The following ARB2A variants were observed in gnomAD, a reference collection of about 807,000 sequenced individuals.
ARB2A encodes the protein ARB2 cotranscriptional regulator A.
the ARB2A span, among the ~76,000 whole-genome samples, chr5:93,894,098 C>A: frequency 6.6e-6 from 1 of 152,090 alleles, no homozygotes; most frequent in Non-Finnish European, 1.5e-5. Context: ...ACTCAATTAG[C>A]TAAATTATTT....
At chr5:93,870,023 G>A in the ARB2A span, among the ~76,000 whole-genome samples, 6 of 152,188 alleles carry the variant, frequency 3.9e-5, no homozygotes, top group Non-Finnish European at 8.8e-5. Flanking sequence ...CAGACATCTG[G>A]GCTCTTTCAG....
the ARB2A span, among the ~76,000 whole-genome samples, chr5:93,879,201 A>C: frequency 2.0e-5 from 3 of 151,964 alleles, no homozygotes; most frequent in Non-Finnish European, 2.9e-5. Flanking sequence ...AGGAATTAAT[A>C]CACCTCACAC....
chr5:93,976,028 A>C, the ARB2A span, among the ~76,000 whole-genome samples: 1 of 152,188 alleles, frequency 6.6e-6, no homozygotes, highest in African/African-American at 2.4e-5. Context: ...AGCACATCAA[A>C]AAGTTAATTC....
the ARB2A span, among the ~76,000 whole-genome samples, chr5:93,847,201 C>A: frequency 1.3e-5 from 2 of 152,180 alleles, no homozygotes; most frequent in Non-Finnish European, 2.9e-5. Context: ...CATCTTGAGG[C>A]TCCATTTCTA....
At chr5:93,678,175 T>C in the ARB2A span, among the ~76,000 whole-genome samples, 1 of 152,180 alleles carries the variant, frequency 6.6e-6, no homozygotes, top group African/African-American at 2.4e-5. Context: ...TACAGAGAAG[T>C]GTTAACTTTT....
chr5:93,824,941 T>G, the ARB2A span, among the ~76,000 whole-genome samples: 5 of 152,240 alleles, frequency 3.3e-5, no homozygotes, highest in African/African-American at 1.2e-4. Context: ...CCCCCCAAAC[T>G]GTTGCCAGAA....
the ARB2A span, among the ~76,000 whole-genome samples, chr5:93,793,688 C>T: frequency 6.6e-6 from 1 of 152,146 alleles, no homozygotes; most frequent in Admixed American, 6.5e-5. Context: ...AAATGACTTA[C>T]ATCACAGGTT....
the ARB2A span, among the ~76,000 whole-genome samples, chr5:94,107,464 A>C: frequency 5.9e-5 from 9 of 151,962 alleles, no homozygotes; most frequent in African/African-American, 2.2e-4. Flanking sequence ...TATAACTGAA[A>C]TAGCTCAACG....
the ARB2A span, among the ~76,000 whole-genome samples, chr5:94,067,481 A>T: frequency 5.9e-5 from 9 of 152,226 alleles, no homozygotes; most frequent in African/African-American, 2.2e-4. Context: ...AAATTCAATA[A>T]ATAACAGTAT....
the ARB2A span, among the ~76,000 whole-genome samples, chr5:93,671,539 G>A: frequency 6.6e-6 from 1 of 151,970 alleles, no homozygotes; most frequent in African/African-American, 2.4e-5. Flanking sequence ...TTAATAAAAA[G>A]TAGGATTTAC....
At chr5:93,954,043 A>G in the ARB2A span, among the ~76,000 whole-genome samples, 1 of 152,188 alleles carries the variant, frequency 6.6e-6, no homozygotes, top group African/African-American at 2.4e-5. Context: ...TCTAGCCCAC[A>G]GTAGGTCCAG....
the ARB2A span, among the ~76,000 whole-genome samples, chr5:93,922,264 A>G: frequency 1.3e-5 from 2 of 152,016 alleles, no homozygotes; most frequent in African/African-American, 4.8e-5. Flanking sequence ...GGAAATAATA[A>G]AGGAGATTGT....
At chr5:94,072,702 A>T in the ARB2A span, among the ~76,000 whole-genome samples, 1 of 152,132 alleles carries the variant, frequency 6.6e-6, no homozygotes, top group African/African-American at 2.4e-5. Flanking sequence ...AGTAAGAGGC[A>T]GTAAACTAAA....
chr5:93,863,411 G>A, the ARB2A span: 2 of 151,548 alleles, frequency 1.3e-5, no homozygotes, highest in Non-Finnish European at 2.9e-5. Flanking sequence ...ACATTACCAT[G>A]CCCAACTAAT....
chr5:93,834,603 C>T, the ARB2A span, among the ~76,000 whole-genome samples: 3 of 152,218 alleles, frequency 2.0e-5, no homozygotes, highest in East Asian at 3.9e-4. Flanking sequence ...CAAATATTTG[C>T]AGCCTTCTAC....
the ARB2A span, among the ~76,000 whole-genome samples, chr5:93,842,983 A>G: frequency 6.6e-6 from 1 of 152,176 alleles, no homozygotes; most frequent in African/African-American, 2.4e-5. Flanking sequence ...CCGGGCCTTC[A>G]TCCCTTCTAA....
the ARB2A span, among the ~76,000 whole-genome samples, chr5:93,624,622 A>G: frequency 6.6e-6 from 1 of 152,198 alleles, no homozygotes; most frequent in East Asian, 1.9e-4. Flanking sequence ...CTCAGTTTCA[A>G]TCAGTGGTTC....
chr5:94,040,753 C>T, the ARB2A span, among the ~76,000 whole-genome samples: 1 of 152,120 alleles, frequency 6.6e-6, no homozygotes, highest in African/African-American at 2.4e-5. Context: ...TTTTCTATTA[C>T]TCAGGGCAAC....
the ARB2A span, among the ~76,000 whole-genome samples, chr5:93,898,590 T>C: frequency 2.0e-5 from 3 of 152,078 alleles, no homozygotes; most frequent in African/African-American, 4.8e-5. Flanking sequence ...TTATGTACAG[T>C]AAGAAAGCTC....
Sources: allele counts gnomAD v4.1 joint callset (sites outside exome capture counted in the v4.1 genomes callset), GRCh38; gene constraint gnomAD v4.1.1; transcripts MANE v1.5; gene names NCBI Gene and HGNC (gene_info 2026-07-23, HGNC 2026-07-21).